RECQL4: variants seen among roughly 807,000 people sequenced by gnomAD.
RECQL4 encodes RecQ like helicase 4.
A neutral mutation model predicts 128.6 loss-of-function variants in RECQL4; 158 were observed. The ratio of observed to expected loss-of-function variants is 1.23; its 90% confidence interval spans 1.08 to 1.40. RECQL4 has a LOEUF of 1.40. Ranked by LOEUF, RECQL4 falls within the 40% of genes most tolerant of loss-of-function variation. The pLI is 0.00. For synonymous variants in RECQL4, 996 were observed against 678.9 expected (o/e 1.47, Z -7.26); for missense variants, 2,293 against 1,649.8 (o/e 1.39, Z -6.75).
chr8:144,516,941 G>T, intron 4 of RECQL4, 109 bp downstream of exon 4: 1 of 1,473,346 alleles, frequency 6.8e-7, no homozygotes, highest in Non-Finnish European at 9.1e-7. Flanking sequence ...TCGTGCCCTG[G>T]TTGGCACAGG....
In RECQL4 at chr8:144,514,378, T is replaced by C. The variant is rs181952228; in HGVS notation, c.1705-16A>G. On this transcript the variant is annotated splice_polypyrimidine_tract_variant and intron_variant, in intron 10 of 20. Transcript: ENST00000617875. ...CTGCCCGAATCTGAAGGCAGCAAGA[T>C]CAGAGGCACAGCCCAGGTGCCCGCC... 33 of 1,599,754 alleles carry C rather than the reference T, an allele frequency of 2.1e-5. No homozygotes were observed. In the African/African-American group the frequency reaches 4.0e-4, roughly 19 times the overall value.
rs745722387 is a variant in RECQL4 at position 144,511,501 on chromosome 8, T to C, written c.3557A>G (p.Lys1186Arg). The change falls in exon 21 of 21, where the codon AAA (lysine) becomes AGA (arginine). Residue 1186 changes from lysine to arginine, a missense_variant. Physicochemically the swap from Lys to Arg is conservative, Grantham distance 26 (BLOSUM62 2). Coordinates refer to ENST00000617875, the MANE Select transcript of RECQL4 (RefSeq NM_004260.4). The part of the protein sequence containing the change: ...VYGQDRRFWR[K>R]YLHLSFHALV... ...GGCATGGAAGCTCAGGTGCAGGTAT[T>C]TTCTCCAGAAGCGTCGGTCCTGCCC... 14 of 1,612,476 alleles carry C rather than the reference T, an allele frequency of 8.7e-6. No homozygotes were observed. Among genetic ancestry groups the C allele is most frequent in the Non-Finnish European group, 1.2e-5 (14 of 1,179,802 alleles).
At position 144,513,705 on chromosome 8, in the gene RECQL4, A is replaced by AAC; in HGVS notation, c.2064_2065dup (p.Leu689CysfsTer2). The AAC allele has an allele frequency of 6.5e-7, 1 of 1,548,520 alleles. No homozygotes were observed. Among genetic ancestry groups the AAC allele is most frequent in the Non-Finnish European group, 8.7e-7 (1 of 1,146,524 alleles). On this transcript the variant is annotated frameshift_variant, in exon 13 of 21. Transcript: ENST00000617875. LOFTEE classifies it high-confidence loss of function. ...AAAACGTTTGCCTTGCAGCAGCGTCAACAGTGCCTGATGAGGAGCGGTTGG... is the reference window on the plus strand; with the variant it reads ...AAAACGTTTGCCTTGCAGCAGCGTCAACACAGTGCCTGATGAGGAGCGGTTGG...
At position 144,515,756 on chromosome 8, in the gene RECQL4, T is replaced by C. The variant is rs1554901599; in HGVS notation, c.1258+8A>G. 8 of 1,612,044 alleles carry C rather than the reference T, an allele frequency of 5.0e-6. No individual in the cohort carries two copies. Among genetic ancestry groups the C allele is most frequent in the Non-Finnish European group, 6.8e-6 (8 of 1,179,598 alleles). On this transcript the variant is annotated splice_region_variant and intron_variant, in intron 6 of 20. Transcript: ENST00000617875. Reference sequence around the variant, plus strand: ...GGCCGGACCCACCCTCCAGGGCAGATGTCTCACCTGGCCGGGGACACTGGG... The same window carrying C: ...GGCCGGACCCACCCTCCAGGGCAGACGTCTCACCTGGCCGGGGACACTGGG...
rs1373712549 is a variant in RECQL4 at position 144,514,381 on chromosome 8, G to A, written c.1705-19C>T. 2.5e-6 allele frequency: 4 copies of A among 1,599,860 alleles called. No homozygotes were observed. The South Asian group carries it at 3.3e-5, about 13-fold the overall frequency. On this transcript the variant is annotated intron_variant, in intron 10 of 20. Transcript: ENST00000617875. ...CCCGAATCTGAAGGCAGCAAGATCA[G>A]AGGCACAGCCCAGGTGCCCGCCCGC...
Position 144,513,565 on chromosome 8 carries a change from C to G in RECQL4, c.2200+6G>C, listed in dbSNP as rs2130682284. On this transcript the variant is annotated splice_donor_region_variant and intron_variant, in intron 13 of 20. Coordinates refer to ENST00000617875, the MANE Select transcript of RECQL4 (RefSeq NM_004260.4). ...CACGGGGACACCAGCTCTGTCCATG[C>G]CGCACCTCCAGACCCTGGGACCCAG... 6.2e-7 allele frequency: 1 copy of G among 1,610,450 alleles called. No individual in the cohort carries two copies. Among genetic ancestry groups the G allele is most frequent in the Non-Finnish European group, 8.5e-7 (1 of 1,178,950 alleles).
chr8:144,512,475 T>C lies in RECQL4; in HGVS notation c.2972A>G (p.Lys991Arg). 6.2e-7 allele frequency: 1 copy of C among 1,612,406 alleles called. No individual in the cohort carries two copies. The highest frequency in any genetic ancestry group is 8.5e-7 in the Non-Finnish European group (1 of 1,179,766). ...CTCCCAGCCCATGGAGTCCACCAGC[T>C]TGACCATGTCAAACTCCACGGAGCT... is the stretch of plus-strand genomic sequence containing the variant. ...GSSSVEFDMV[K>R]LVDSMGWELA... The change falls in exon 17 of 21, where the codon AAG (lysine) becomes AGG (arginine). Residue 991 changes from lysine (K) to arginine (R), a missense_variant. Coordinates refer to ENST00000617875, the MANE Select transcript of RECQL4 (RefSeq NM_004260.4).
In RECQL4 at chr8:144,515,909, G is replaced by A. The variant is rs2130714093; in HGVS notation, c.1132-19C>T. The A allele has an allele frequency of 1.2e-6, 2 of 1,612,764 alleles. No homozygotes were observed. Among genetic ancestry groups the A allele is most frequent in the Non-Finnish European group, 1.7e-6 (2 of 1,179,772 alleles). ...TCCATGCCTGGGGGGTGCCCACATA[G>A]GAGGGTCACTGGGCGGGAAATACGG... On this transcript the variant is annotated intron_variant, in intron 5 of 20. Transcript: ENST00000617875.
At position 144,512,612 on chromosome 8, in the gene RECQL4, CTCGTCTCCAACT is replaced by C; in HGVS notation, c.2885+18_2885+29del. 2 of 1,611,740 alleles carry C rather than the reference CTCGTCTCCAACT, an allele frequency of 1.2e-6. No homozygotes were observed. The highest frequency in any genetic ancestry group is 2.2e-5 in the South Asian group (2 of 91,068). ...TGGCCAACAGCCCTGATTCTCCAAC[CTCGTCTCCAACT>C]GGGCAGGGCGTGCTTACCTGTGGGC... On this transcript the variant is annotated intron_variant, in intron 16 of 20. Transcript: ENST00000617875.
chr8:144,511,856 A>G (rs1331477111), intron 19 of RECQL4, 55 bp downstream of exon 19: 1 of 1,610,476 alleles, frequency 6.2e-7, no homozygotes, highest in Non-Finnish European at 8.5e-7. Flanking sequence ...AGCAAGCCCC[A>G]TGCAGCCCAG....
In RECQL4 at chr8:144,512,565, T is replaced by G. The variant is rs1554897071; in HGVS notation, c.2886-4A>C. 1.6e-5 allele frequency: 25 copies of G among 1,612,408 alleles called. No individual in the cohort carries two copies. Among genetic ancestry groups the G allele is most frequent in the Non-Finnish European group, 2.0e-5 (24 of 1,179,702 alleles). ...GCACACAGCCAAAGGGGGACACCTG[T>G]GCCCAGGGAAAAAGGGACATGTGGC... On this transcript the variant is annotated splice_region_variant and splice_polypyrimidine_tract_variant and intron_variant, in intron 16 of 20. Transcript: ENST00000617875.
chr8:144,516,764 C>A lies in RECQL4; in HGVS notation c.355G>T (p.Ala119Ser). Reference sequence around the variant, plus strand: ...GGTCTGCGGCCCAGGGCTGGTCCGGCCTGGGAGGGGAACAACAGAACAGCA... The same window carrying A: ...GGTCTGCGGCCCAGGGCTGGTCCGGACTGGGAGGGGAACAACAGAACAGCA... ...LKANLKGTLQ[A>S]GPALGRRPWP... The change falls in exon 5 of 21, where the codon GCC (alanine) becomes TCC (serine). Residue 119 changes from alanine (A) to serine (S), a missense_variant and splice_region_variant. Coordinates refer to ENST00000617875, the MANE Select transcript of RECQL4 (RefSeq NM_004260.4). The A allele has an allele frequency of 6.6e-7, 1 of 1,519,324 alleles. No individual in the cohort carries two copies. The allele number at this position is 1,519,324 out of a possible 1,614,324, so 94.1% of individuals were successfully genotyped here. A position where few individuals can be genotyped will look rare whatever the true frequency, so the allele number is the denominator to read the frequency against.
In RECQL4 at chr8:144,516,738, C is replaced by T. The variant is rs529008787; in HGVS notation, c.381G>A (p.Pro127=). Residue 127 remains proline (P), a synonymous_variant, in exon 5 of 21, where the codon CCG becomes CCA. Coordinates refer to ENST00000617875, the MANE Select transcript of RECQL4 (RefSeq NM_004260.4). ...TAGATGAGGCTCTTCCTAGAGGCCA[C>T]GGTCTGCGGCCCAGGGCTGGTCCGG... ...LQAGPALGRR[P]WPLGRASSKA... The T allele has an allele frequency of 4.6e-6, 7 of 1,529,866 alleles. No homozygotes were observed. Among genetic ancestry groups the T allele is most frequent in the African/African-American group, 2.8e-5 (2 of 72,158 alleles). The allele number at this position is 1,529,866 out of a possible 1,614,324, so 94.8% of individuals were successfully genotyped here.
chr8:144,517,632 C>A lies in RECQL4; in HGVS notation c.88G>T (p.Asp30Tyr). The A allele has an allele frequency of 6.7e-7, 1 of 1,486,100 alleles. No homozygotes were observed. 92.1% of individuals were successfully genotyped at this position (1,486,100 alleles called of 1,614,324 possible). ...GTCTCCTCCGGCGCCGCCTCCACGT[C>A]GTCCTGTAAAGGGAACGCGTCAGCC... The part of the protein sequence containing the change: ...RQRGRRPSQD[D>Y]VEAAPEETRA... The change falls in exon 2 of 21, where the codon GAC becomes TAC. Residue 30 changes from aspartate to tyrosine, a missense_variant. By Grantham distance (160) the Asp-to-Tyr change is radical (BLOSUM62 -3). Transcript: ENST00000617875.
intron 15 of RECQL4, 33 bp downstream of exon 15, chr8:144,512,814 C>T (rs1404677019): frequency 6.2e-7 from 1 of 1,609,476 alleles, no homozygotes; most frequent in Non-Finnish European, 8.5e-7. Context: ...GACAGCCCCT[C>T]CACACCCCTG....
chr8:144,513,475 CACG>C lies in RECQL4; in HGVS notation c.2203_2205del (p.Arg735del), dbSNP rs1827640804. 6.2e-7 allele frequency: 1 copy of C among 1,609,846 alleles called. No homozygotes were observed. The highest frequency in any genetic ancestry group is 1.3e-5 in the African/African-American group (1 of 75,062). On this transcript the variant is annotated inframe_deletion and splice_region_variant, in exon 14 of 21. Transcript: ENST00000617875. Reference sequence around the variant, plus strand: ...TAGGCCTCGGCTGTGGTTTTGGGGGCACGACCTTTGGGGAAGACAGGCAGATGG... The same window carrying C: ...TAGGCCTCGGCTGTGGTTTTGGGGGCACCTTTGGGGAAGACAGGCAGATGG...
In RECQL4 at chr8:144,514,045, G is replaced by A. The variant is rs780721989; in HGVS notation, c.1941C>T (p.Arg647=). Residue 647 remains arginine (R), a synonymous_variant, in exon 12 of 21, where the codon CGC becomes CGT. Coordinates refer to ENST00000617875, the MANE Select transcript of RECQL4 (RefSeq NM_004260.4). ...FLGLTATATR[R]TASDVAQHLA... is the part of the protein sequence containing the mutation. Reference sequence around the variant, plus strand: ...GGTGCTGTGCCACGTCACTGGCAGTGCGGCGTGTGGCTGTGGCTGTGAGGC... The same window carrying A: ...GGTGCTGTGCCACGTCACTGGCAGTACGGCGTGTGGCTGTGGCTGTGAGGC... 5 of 1,579,846 alleles carry A rather than the reference G, an allele frequency of 3.2e-6. No homozygotes were observed. Among genetic ancestry groups the A allele is most frequent in the East Asian group, 4.7e-5 (2 of 42,762 alleles).
In RECQL4 at chr8:144,514,633, G is replaced by A. The variant is rs960579917; in HGVS notation, c.1621-108C>T. 88 of 1,205,880 alleles carry A rather than the reference G, an allele frequency of 7.3e-5. 1 individual carries two copies. The South Asian group carries it at 1.2e-3, about 16-fold the overall frequency. 74.7% of individuals were successfully genotyped at this position (1,205,880 alleles called of 1,614,324 possible). On this transcript the variant is annotated intron_variant, in intron 9 of 20. Coordinates refer to ENST00000617875, the MANE Select transcript of RECQL4 (RefSeq NM_004260.4). ...CATCCTAGTCCCTCAGGGGAGAGGAGAACCAGGTCCTGGGTCCTAGGGCTA... is the reference window on the plus strand; with the variant it reads ...CATCCTAGTCCCTCAGGGGAGAGGAAAACCAGGTCCTGGGTCCTAGGGCTA...
At chr8:144,517,374 AG>A (rs1187282713) in intron 3 of RECQL4, 39 bp downstream of exon 3, 21 of 1,526,108 alleles carry the variant, frequency 1.4e-5, no homozygotes, top group Non-Finnish European at 1.8e-5. Context: ...TCCGCCAAAC[AG>A]GGAAGTGGGA....
Sources: gnomAD v4.1 joint callset for allele counts on GRCh38, gnomAD v4.1.1 for gene constraint, MANE v1.5 for transcripts, NCBI Gene and HGNC (gene_info 2026-07-23, HGNC 2026-07-21) for gene names.